The following PCDH7 variants were observed in gnomAD, a reference collection of about 807,000 sequenced individuals.
The protein encoded by PCDH7 is protocadherin-7.
PCDH7 carries 17 observed loss-of-function variants against 58.9 expected under a neutral mutation model. That is an observed-to-expected ratio of 0.29 (90% CI 0.20 to 0.43). The LOEUF (loss-of-function observed/expected upper bound fraction) is 0.43, where lower values mean the gene tolerates loss of function less well. PCDH7 is among the 20% of genes least tolerant of loss of function. The pLI is 1.00. For missense variants in PCDH7, 1,274 were observed against 1,441.0 expected, an observed-to-expected ratio of 0.88 and a Z score of 1.88; for synonymous variants, 664 against 616.4, an observed-to-expected ratio of 1.08 and a Z score of -1.14.
intron 3 of PCDH7, among the ~76,000 whole-genome samples, chr4:31,023,339 A>G (rs1360021033): frequency 1.3e-5 from 2 of 152,122 alleles, no homozygotes; most frequent in African/African-American, 4.8e-5. Flanking sequence ...TCCTGCGTGT[A>G]TTTTATATTT....
intron 1 of PCDH7, among the ~76,000 whole-genome samples, chr4:30,809,333 GTC>G (rs1726679623): frequency 1.3e-5 from 2 of 152,004 alleles, no homozygotes; most frequent in African/African-American, 4.8e-5. Flanking sequence ...GAATACCTAA[GTC>G]TCTCCCCTGA....
At chr4:30,824,789 C>T (rs756506748) in intron 1 of PCDH7, among the ~76,000 whole-genome samples, 1 of 152,080 alleles carries the variant, frequency 6.6e-6, no homozygotes. Flanking sequence ...ACTGTAGAAA[C>T]GTGCTTCGAC....
At chr4:30,741,935 A>T (rs1227075426) in intron 1 of PCDH7, among the ~76,000 whole-genome samples, 1 of 152,192 alleles carries the variant, frequency 6.6e-6, no homozygotes, top group Admixed American at 6.5e-5. Context: ...GTTTTGCATG[A>T]TCTCATTGTA....
chr4:30,995,574 C>T (rs951432888), intron 3 of PCDH7, among the ~76,000 whole-genome samples: 1 of 151,840 alleles, frequency 6.6e-6, no homozygotes, highest in Non-Finnish European at 1.5e-5. Flanking sequence ...CCACTGTACA[C>T]ATTACCACAA....
At chr4:30,831,072 G>A (rs1177853256) in intron 1 of PCDH7, among the ~76,000 whole-genome samples, 1 of 152,054 alleles carries the variant, frequency 6.6e-6, no homozygotes, top group Non-Finnish European at 1.5e-5. Flanking sequence ...GTTTCCCACA[G>A]GTGTATTTTA....
At chr4:30,937,443 A>G (rs1214772316) in intron 2 of PCDH7, among the ~76,000 whole-genome samples, 2 of 152,104 alleles carry the variant, frequency 1.3e-5, no homozygotes, top group African/African-American at 4.8e-5. Context: ...CTGCAACACA[A>G]GTCACAACCT....
At chr4:30,964,898 G>T (rs1748862551) in intron 3 of PCDH7, among the ~76,000 whole-genome samples, 1 of 152,076 alleles carries the variant, frequency 6.6e-6, no homozygotes. Context: ...CTATTCCATT[G>T]ACTAAGATTT....
chr4:31,135,355 T>A (rs549354912), intron 3 of PCDH7, among the ~76,000 whole-genome samples: 2 of 152,280 alleles, frequency 1.3e-5, no homozygotes, highest in African/African-American at 4.8e-5. Context: ...TCATTTGCCC[T>A]TGAATTTTGA....
chr4:30,945,870 T>C (rs549883718), intron 2 of PCDH7, among the ~76,000 whole-genome samples: 23 of 152,102 alleles, frequency 1.5e-4, no homozygotes, highest in Non-Finnish European at 3.1e-4. Flanking sequence ...CGGGCCACAG[T>C]TAGTGCCAAC....
chr4:30,997,148 T>C (rs1751966861), intron 3 of PCDH7, among the ~76,000 whole-genome samples: 1 of 152,098 alleles, frequency 6.6e-6, no homozygotes, highest in Non-Finnish European at 1.5e-5. Flanking sequence ...ACATAGGTGA[T>C]CTTTATGGGA....
At chr4:30,877,696 C>A (rs1463892947) in intron 1 of PCDH7, among the ~76,000 whole-genome samples, 1 of 152,040 alleles carries the variant, frequency 6.6e-6, no homozygotes, top group Non-Finnish European at 1.5e-5. Flanking sequence ...AAATTTCATT[C>A]TTATTTTTAT....
chr4:31,027,399 T>C (rs1393732423), intron 3 of PCDH7, among the ~76,000 whole-genome samples: 3 of 152,146 alleles, frequency 2.0e-5, no homozygotes, highest in African/African-American at 7.2e-5. Flanking sequence ...ATGTTATGTA[T>C]GTGTATGTAT....
intron 1 of PCDH7, among the ~76,000 whole-genome samples, chr4:30,776,460 A>G (rs1352320684): frequency 6.6e-6 from 1 of 152,238 alleles, no homozygotes; most frequent in African/African-American, 2.4e-5. Context: ...AGCAATCTAA[A>G]TAGTGCAGAA....
exon 2 of PCDH7, chr4:30,730,873 G>A (rs1715395049): frequency 6.8e-6 from 10 of 1,477,116 alleles, no homozygotes; most frequent in South Asian, 4.5e-5. Flanking sequence ...GCCCTTGGCC[G>A]TGGGGTGTCA....
Position 30,722,169 on chromosome 4 carries a change from G to A in PCDH7, c.747G>A (p.Ala249=). Residue 249 remains alanine (A), a synonymous_variant, in exon 1 of 2, where the codon GCG becomes GCA. Transcript: ENST00000361762. This position sits in a 1 kb window ranked among gnomAD's most constrained non-coding sequence, Gnocchi z 7.6. ...GCAGCGTGTTCGAGCTGCAGGTGGC[G>A]GACACCCCGGACGGCGAGAAGCAGC... 5 of 1,536,264 alleles carry A rather than the reference G, an allele frequency of 3.3e-6. No individual in the cohort carries two copies. Among genetic ancestry groups the A allele is most frequent in the Non-Finnish European group, 4.4e-6 (5 of 1,142,612 alleles).
chr4:31,020,794 A>G (rs1323943175), intron 3 of PCDH7, among the ~76,000 whole-genome samples: 1 of 152,206 alleles, frequency 6.6e-6, no homozygotes, highest in East Asian at 1.9e-4. Flanking sequence ...ACAGCACACT[A>G]GCCATTTCTT....
chr4:30,787,798 G>A lies in PCDH7; in HGVS notation c.70+63202G>A, dbSNP rs368232812. Among the ~76,000 whole-genome samples, 9 of 152,172 alleles carry A rather than the reference G, an allele frequency of 5.9e-5. No individual in the cohort carries two copies. In the South Asian group the frequency reaches 1.7e-3, roughly 28 times the overall value. ...TTATGTGTGCGTGTACAAGTGGAAG[G>A]AGGTAAAATTTAATGATTAGCATTT... On this transcript the variant is annotated intron_variant, in intron 1 of 3. Coordinates refer to the PCDH7 transcript ENST00000509759.
chr4:31,145,172 T>C (rs1439771666), downstream of PCDH7: 5 of 151,958 alleles, frequency 3.3e-5, no homozygotes, highest in Non-Finnish European at 5.9e-5. Context: ...CACCGGACCT[T>C]CGGATTAATT....
At chr4:30,860,361 T>C (rs1042100164) in intron 1 of PCDH7, among the ~76,000 whole-genome samples, 3 of 152,014 alleles carry the variant, frequency 2.0e-5, no homozygotes, top group Non-Finnish European at 4.4e-5. Flanking sequence ...CACTTTGTAC[T>C]GCTCTGAGGA....
Sources: gnomAD v4.1 joint callset for allele counts (sites outside exome capture counted in the v4.1 genomes callset) on GRCh38, gnomAD v4.1.1 for gene constraint, Gnocchi (gnomAD v3.1) non-coding constraint, MANE v1.5 for transcripts, NCBI Gene and HGNC (gene_info 2026-07-23, HGNC 2026-07-21) for gene names.